Variants in ZNF678 observed in about 807,000 individuals in gnomAD.
The protein encoded by ZNF678 is zinc finger protein 678, also known as hypothetical protein MGC42493.
A neutral mutation model predicts 3.0 loss-of-function variants in ZNF678; 5 were observed. The observed-to-expected ratio is 1.69, with a 90% CI of 0.88 to 3.56. ZNF678 has a LOEUF of 3.56. ZNF678 is among the 30% of genes most tolerant of loss of function. ZNF678 has a pLI of 0.00. For missense variants in ZNF678, 593 were observed against 605.0 expected (o/e 0.98, Z 0.21); for synonymous variants, 218 against 199.6 (o/e 1.09, Z -0.78).
chr1:227,674,589 T>G (rs1312907496), intron 5 of ZNF678, among the ~76,000 whole-genome samples: 3 of 149,632 alleles, frequency 2.0e-5, no homozygotes, highest in East Asian at 3.9e-4. Flanking sequence ...TTAAATATAA[T>G]TTTTCTTTTT....
chr1:227,579,342 C>G (rs945189847), intron 1 of ZNF678, among the ~76,000 whole-genome samples: 2 of 151,978 alleles, frequency 1.3e-5, no homozygotes, highest in Non-Finnish European at 2.9e-5. Flanking sequence ...CTGTGCCCTA[C>G]AAGCACAGAT....
At position 227,650,961 on chromosome 1, in the gene ZNF678, C is replaced by G; in HGVS notation, c.-31C>G. ...TGCCTAATTGTTCTGTCTAGGACTT[C>G]CAGGACTATGTTAAAATAGAAGCAT... On this transcript the variant is annotated 5_prime_UTR_variant, in exon 3 of 4. Transcript: ENST00000343776. 2 of 1,608,754 alleles carry G rather than the reference C, an allele frequency of 1.2e-6. No homozygotes were observed. The highest frequency in any genetic ancestry group is 1.7e-6 in the Non-Finnish European group (2 of 1,177,806).
Position 227,590,507 on chromosome 1 carries a change from G to A in ZNF678, c.-164+26783G>A, listed in dbSNP as rs116575668. Among the ~76,000 whole-genome samples the A allele has an allele frequency of 2.8e-3, 426 of 151,894 alleles. 8 individuals are homozygous for A. Among genetic ancestry groups the A allele is most frequent in the Non-Finnish European group, 4.9e-3 (335 of 67,980 alleles). ...TGGGGGTTGGGTATCCCCACGAGCC[G>A]TCTTGTGCCCAAGCGGCAGGCCCAT... On this transcript the variant is annotated intron_variant, in intron 1 of 3. Transcript: ENST00000343776.
At chr1:227,669,905 A>G (rs1659572465) in intron 5 of ZNF678, among the ~76,000 whole-genome samples, 1 of 152,212 alleles carries the variant, frequency 6.6e-6, no homozygotes, top group Non-Finnish European at 1.5e-5. Context: ...GCACTCATAT[A>G]CTCATCACTG....
intron 1 of ZNF678, among the ~76,000 whole-genome samples, chr1:227,646,301 C>T (rs769373779): frequency 5.3e-5 from 8 of 152,146 alleles, no homozygotes; most frequent in African/African-American, 7.2e-5. Context: ...CATGTATTGG[C>T]GCCCTTAGTT....
chr1:227,666,635 C>T (rs1223256167), downstream of ZNF678, among the ~76,000 whole-genome samples: 1 of 151,982 alleles, frequency 6.6e-6, no homozygotes, highest in Non-Finnish European at 1.5e-5. Flanking sequence ...GGCCTTGCTG[C>T]AGTTCGACAG....
chr1:227,579,439 C>T (rs2102725363), intron 1 of ZNF678, among the ~76,000 whole-genome samples: 1 of 152,152 alleles, frequency 6.6e-6, no homozygotes, highest in African/African-American at 2.4e-5. Context: ...GTAGGGCTTG[C>T]TGGCTCTGTG....
At chr1:227,669,405 G>A (rs953969999) in intron 5 of ZNF678, among the ~76,000 whole-genome samples, 9 of 152,208 alleles carry the variant, frequency 5.9e-5, no homozygotes, top group Admixed American at 3.9e-4. Context: ...GGGAGGCCGA[G>A]GCGGGTGGAT....
At chr1:227,610,507 C>T (rs1351014478) in intron 1 of ZNF678, among the ~76,000 whole-genome samples, 1 of 152,184 alleles carries the variant, frequency 6.6e-6, no homozygotes, top group African/African-American at 2.4e-5. Context: ...CAGTGTAGTT[C>T]ACCAGTCTTG....
At chr1:227,663,528 G>C (rs967119521), downstream of ZNF678, among the ~76,000 whole-genome samples, 7 of 152,174 alleles carry the variant, frequency 4.6e-5, no homozygotes, top group Non-Finnish European at 8.8e-5. Context: ...CTCCCCTTTT[G>C]TAAACACTTC....
intron 3 of ZNF678, among the ~76,000 whole-genome samples, chr1:227,652,868 G>A (rs1558156515): frequency 6.6e-6 from 1 of 151,990 alleles, no homozygotes. Flanking sequence ...TTATGTATTT[G>A]TATATAATTT....
intron 1 of ZNF678, chr1:227,582,592 G>A (rs1657159655): frequency 8.3e-6 from 2 of 240,862 alleles, no homozygotes; most frequent in African/African-American, 2.5e-5. Flanking sequence ...TCCTCCCAAA[G>A]TTCTTAGATT....
chr1:227,627,806 C>T (rs1407370955), intron 1 of ZNF678, among the ~76,000 whole-genome samples: 1 of 152,196 alleles, frequency 6.6e-6, no homozygotes, highest in Non-Finnish European at 1.5e-5. Context: ...ACTGCATACC[C>T]CGCCTTTCGA....
rs748336846 is a variant in ZNF678 at position 227,595,184 on chromosome 1, ATCTC to A, written c.-164+31468_-164+31471del. Among the ~76,000 whole-genome samples the A allele has an allele frequency of 3.0e-3, 451 of 148,286 alleles. 3 individuals carry two copies. The highest frequency in any genetic ancestry group is 4.6e-3 in the Admixed American group (68 of 14,828). ...TTTTTTTTCTTAGCTACTTGTATAT[ATCTC>A]TCTCTCTTTCTTTCTGTCTTTGACT... On this transcript the variant is annotated intron_variant, in intron 1 of 3. Coordinates refer to ENST00000343776, the MANE Select transcript of ZNF678 (RefSeq NM_001367909.1).
intron 1 of ZNF678, among the ~76,000 whole-genome samples, chr1:227,590,806 G>A (rs946635475): frequency 6.6e-6 from 1 of 151,772 alleles, no homozygotes; most frequent in Non-Finnish European, 1.5e-5. Flanking sequence ...ATGGTCTGCA[G>A]CTTTGGAAAT....
Position 227,654,988 on chromosome 1 carries a change from T to C in ZNF678, c.738T>C (p.Phe246=). ...AATGCAAAGAATGTTGCAAAGCCTT[T>C]AACAAGTTCTCAAACCTTACTCAAC... ...PYKCKECCKA[F]NKFSNLTQHK... Residue 246 remains phenylalanine, a synonymous_variant, in exon 4 of 4, where the codon TTT becomes TTC. Coordinates refer to ENST00000343776, the MANE Select transcript of ZNF678 (RefSeq NM_001367909.1). 2 of 1,612,174 alleles carry C rather than the reference T, an allele frequency of 1.2e-6. No homozygotes were observed. The highest frequency in any genetic ancestry group is 1.7e-6 in the Non-Finnish European group (2 of 1,179,358).
intron 1 of ZNF678, among the ~76,000 whole-genome samples, chr1:227,625,690 A>G (rs568740844): frequency 5.9e-5 from 9 of 152,198 alleles, no homozygotes; most frequent in African/African-American, 9.6e-5. Flanking sequence ...GAGTATAGGT[A>G]TGGAGGATTT....
At chr1:227,609,881 G>A (rs1657971570) in intron 1 of ZNF678, among the ~76,000 whole-genome samples, 2 of 151,852 alleles carry the variant, frequency 1.3e-5, no homozygotes, top group African/African-American at 2.4e-5. Context: ...CTACAGGCGC[G>A]TGCCACCACG....
chr1:227,627,655 C>T (rs1658450130), intron 1 of ZNF678, among the ~76,000 whole-genome samples: 1 of 152,142 alleles, frequency 6.6e-6, no homozygotes, highest in African/African-American at 2.4e-5. Flanking sequence ...ACTAGGTAAG[C>T]ATACTTGGAG....
Sources: gnomAD v4.1 joint callset for allele counts (sites outside exome capture counted in the v4.1 genomes callset) on GRCh38, gnomAD v4.1.1 for gene constraint, MANE v1.5 for transcripts, NCBI Gene and HGNC (gene_info 2026-07-23, HGNC 2026-07-21) for gene names.